The following SLC35F1 variants were observed in gnomAD, a reference collection of about 807,000 sequenced individuals.
SLC35F1 encodes solute carrier family 35 member F1, also known as chromosome 6 open reading frame 169.
SLC35F1 carries 14 observed loss-of-function variants against 48.7 expected under a neutral mutation model. That is an observed-to-expected ratio of 0.29 (90% CI 0.19 to 0.45). The LOEUF (loss-of-function observed/expected upper bound fraction) is 0.45, where lower values mean the gene tolerates loss of function less well. SLC35F1 is among the 20% of genes least tolerant of loss of function. SLC35F1 has a pLI of 1.00. For synonymous variants in SLC35F1, 190 were observed against 202.2 expected (o/e 0.94, Z 0.51); for missense variants, 404 against 500.0 (o/e 0.81, Z 1.83).
At chr6:118,011,385 A>G (rs1582617827) in intron 1 of SLC35F1, among the ~76,000 whole-genome samples, 1 of 151,580 alleles carries the variant, frequency 6.6e-6, no homozygotes, top group Non-Finnish European at 1.5e-5. Context: ...GGCTGGCGGG[A>G]GAGAGAGAGA....
chr6:118,011,574 C>A (rs1426810372), intron 1 of SLC35F1, among the ~76,000 whole-genome samples: 1 of 152,124 alleles, frequency 6.6e-6, no homozygotes, highest in Non-Finnish European at 1.5e-5. Context: ...AGAGCCAAAC[C>A]ATATCAATTG....
chr6:118,251,122 TA>T lies in SLC35F1; in HGVS notation c.477+15493del, dbSNP rs569275925. Among the ~76,000 whole-genome samples, 1,506 of 152,158 alleles carry T rather than the reference TA, an allele frequency of 9.9e-3. 27 individuals are homozygous for T. Among genetic ancestry groups the T allele is most frequent in the African/African-American group, 0.035 (1,432 of 41,490 alleles). On this transcript the variant is annotated intron_variant, in intron 3 of 7. Coordinates refer to ENST00000360388, the MANE Select transcript of SLC35F1 (RefSeq NM_001029858.4). Reference sequence around the variant, plus strand: ...GGGCAACATGGTGAAATCTCATCTCTAAAAAAATACAAAAAATTAGCTGGAC... The same window carrying T: ...GGGCAACATGGTGAAATCTCATCTCTAAAAAATACAAAAAATTAGCTGGAC...
At chr6:118,106,924 C>T (rs183125265) in intron 1 of SLC35F1, among the ~76,000 whole-genome samples, 26 of 152,310 alleles carry the variant, frequency 1.7e-4, no homozygotes, top group Admixed American at 7.2e-4. Flanking sequence ...GAAATGTCAC[C>T]TCCTCACAGA....
chr6:118,185,839 T>C (rs1310124143), intron 2 of SLC35F1, among the ~76,000 whole-genome samples: 2 of 152,188 alleles, frequency 1.3e-5, no homozygotes, highest in African/African-American at 4.8e-5. Context: ...GGGGTTTTTT[T>C]GTTGATTACA....
intron 7 of SLC35F1, among the ~76,000 whole-genome samples, chr6:118,286,497 C>T (rs1201557228): frequency 2.0e-5 from 3 of 151,980 alleles, no homozygotes; most frequent in Admixed American, 6.6e-5. Flanking sequence ...AGGGCAGACA[C>T]GGGTGAAAAA....
chr6:118,259,068 G>T (rs965917929), intron 3 of SLC35F1, among the ~76,000 whole-genome samples: 2 of 151,080 alleles, frequency 1.3e-5, no homozygotes, highest in Admixed American at 1.3e-4. Context: ...ATACGATAAA[G>T]GTCTAATAGC....
intron 7 of SLC35F1, among the ~76,000 whole-genome samples, chr6:118,307,629 A>G (rs982845648): frequency 6.6e-6 from 1 of 152,198 alleles, no homozygotes; most frequent in African/African-American, 2.4e-5. Context: ...GCACTTCATA[A>G]TAATAAAAAT....
chr6:118,031,026 A>G (rs1772039023), intron 1 of SLC35F1, among the ~76,000 whole-genome samples: 1 of 152,144 alleles, frequency 6.6e-6, no homozygotes, highest in African/African-American at 2.4e-5. Flanking sequence ...CATAGTTCCT[A>G]CATACCCCTC....
At chr6:118,270,102 T>C (rs1426230227) in intron 4 of SLC35F1, among the ~76,000 whole-genome samples, 1 of 152,194 alleles carries the variant, frequency 6.6e-6, no homozygotes, top group Non-Finnish European at 1.5e-5. Flanking sequence ...TCTGACTTCA[T>C]CCTTTTTATA....
intron 1 of SLC35F1, among the ~76,000 whole-genome samples, chr6:118,112,684 C>G (rs1226470854): frequency 1.3e-5 from 2 of 152,008 alleles, no homozygotes; most frequent in African/African-American, 4.8e-5. Flanking sequence ...ATATTGCAAA[C>G]TCTAGGACAA....
At chr6:118,076,790 A>G (rs1041614657) in intron 1 of SLC35F1, among the ~76,000 whole-genome samples, 2 of 152,212 alleles carry the variant, frequency 1.3e-5, no homozygotes, top group South Asian at 4.1e-4. Flanking sequence ...ATGATTCCAT[A>G]CAATTATATA....
intron 7 of SLC35F1, among the ~76,000 whole-genome samples, chr6:118,310,020 A>G (rs1414530986): frequency 1.3e-5 from 2 of 152,228 alleles, no homozygotes; most frequent in Non-Finnish European, 2.9e-5. Context: ...GCAGCAAAGT[A>G]AGCAGTGTCT....
chr6:117,984,223 G>A (rs749773462), intron 1 of SLC35F1, among the ~76,000 whole-genome samples: 6 of 152,110 alleles, frequency 3.9e-5, no homozygotes, highest in Non-Finnish European at 5.9e-5. Context: ...CAGCTTGCAA[G>A]CTAAGAATTG....
At chr6:118,260,460 T>TA (rs113224979) in intron 3 of SLC35F1, among the ~76,000 whole-genome samples, 5,927 of 152,170 alleles carry the variant, frequency 0.039, 400 homozygotes, top group African/African-American at 0.13. Context: ...TAATTTTTTT[T>TA]AAAAAAGAAG....
intron 1 of SLC35F1, among the ~76,000 whole-genome samples, chr6:118,053,524 A>G (rs1395917849): frequency 1.3e-5 from 2 of 152,224 alleles, no homozygotes; most frequent in Non-Finnish European, 2.9e-5. Flanking sequence ...ATCCTGATAC[A>G]TGTGATTACA....
chr6:118,139,505 A>G (rs1030836841), intron 1 of SLC35F1, among the ~76,000 whole-genome samples: 4 of 152,280 alleles, frequency 2.6e-5, no homozygotes, highest in South Asian at 4.1e-4. Flanking sequence ...CTGGGATACA[A>G]TCTGTCTTGG....
intron 1 of SLC35F1, among the ~76,000 whole-genome samples, chr6:118,045,746 A>G (rs1253361209): frequency 3.3e-5 from 5 of 152,326 alleles, no homozygotes; most frequent in African/African-American, 4.8e-5. Context: ...TTGCTTTTAG[A>G]TGACGCTGAT....
At chr6:118,163,436 AC>A (rs1352050149) in intron 2 of SLC35F1, among the ~76,000 whole-genome samples, 2 of 151,900 alleles carry the variant, frequency 1.3e-5, no homozygotes, top group African/African-American at 4.8e-5. Flanking sequence ...ACACACACAC[AC>A]ACACACACAC....
chr6:118,268,703 G>A (rs1206296773), intron 4 of SLC35F1, among the ~76,000 whole-genome samples: 2 of 145,250 alleles, frequency 1.4e-5, no homozygotes, highest in African/African-American at 5.1e-5. Flanking sequence ...TCCACCTCCC[G>A]GGTTCAAGTG....
Sources: gnomAD v4.1 joint callset for allele counts (sites outside exome capture counted in the v4.1 genomes callset) on GRCh38, gnomAD v4.1.1 for gene constraint, MANE v1.5 for transcripts, NCBI Gene and HGNC (gene_info 2026-07-23, HGNC 2026-07-21) for gene names.